The following PRKN variants were observed in gnomAD, a reference collection of about 807,000 sequenced individuals.
PRKN encodes the protein parkin RBR E3 ubiquitin protein ligase, also known as E3 ubiquitin-protein ligase parkin.
In PRKN, 56 loss-of-function variants were observed where a neutral mutation model predicts 59.5. That is an observed-to-expected ratio of 0.94 (90% CI 0.76 to 1.18). PRKN has a LOEUF of 1.18. Ranked by LOEUF, PRKN falls within the 50% of genes most tolerant of loss-of-function variation. The probability of loss-of-function intolerance (pLI) is 0.00; values close to 1 mark genes in which losing one functional copy is unlikely to be tolerated. For synonymous variants in PRKN, 250 were observed against 222.1 expected (o/e 1.13, Z -1.12); for missense variants, 657 against 596.4 (o/e 1.10, Z -1.06).
intron 3 of PRKN, among the ~76,000 whole-genome samples, chr6:162,208,233 C>T (rs1420879865): frequency 6.6e-6 from 1 of 152,250 alleles, no homozygotes. Flanking sequence ...ACTGCCTGTT[C>T]CATGCTTTTA....
intron 6 of PRKN, among the ~76,000 whole-genome samples, chr6:161,833,251 C>T (rs993955638): frequency 2.0e-5 from 3 of 152,192 alleles, no homozygotes; most frequent in Middle Eastern, 3.4e-3. Context: ...AATGGGGCAC[C>T]GCCAGATACA....
chr6:162,376,246 C>T (rs1033303125), intron 2 of PRKN, among the ~76,000 whole-genome samples: 2 of 151,996 alleles, frequency 1.3e-5, no homozygotes, highest in South Asian at 4.2e-4. Context: ...TTTTGTTACT[C>T]CTGATTACTT....
intron 6 of PRKN, among the ~76,000 whole-genome samples, chr6:161,932,249 TTTATGTTGGG>T (rs1779193724): frequency 6.6e-6 from 1 of 152,098 alleles, no homozygotes; most frequent in South Asian, 2.1e-4. Flanking sequence ...TACATATTGT[TTTATGTTGGG>T]TTATGTTTCC....
chr6:161,752,740 G>A (rs1263462074), intron 7 of PRKN, among the ~76,000 whole-genome samples: 16 of 152,162 alleles, frequency 1.1e-4, no homozygotes, highest in Non-Finnish European at 5.9e-5. Flanking sequence ...CAAATGGATT[G>A]TAGTATATCC....
At chr6:162,215,095 T>A (rs1777581194) in intron 3 of PRKN, among the ~76,000 whole-genome samples, 1 of 152,190 alleles carries the variant, frequency 6.6e-6, no homozygotes, top group Admixed American at 6.5e-5. Flanking sequence ...CTCCATTTAA[T>A]GTAAATCCCC....
rs939853185 is a variant in PRKN at position 161,578,872 on chromosome 6, T to G, written c.872-9456A>C. On this transcript the variant is annotated intron_variant, in intron 7 of 11. Coordinates refer to ENST00000366898, the MANE Select transcript of PRKN (RefSeq NM_004562.3). The surrounding 1 kb of genome is among the most constrained non-coding windows in gnomAD (Gnocchi z 4.2). ...TAAATATTTTGAATTGTGTGTATAT[T>G]CTTGGCGCTTTGCCTTCACCTTTGA... is the stretch of plus-strand genomic sequence containing the variant. 6.6e-6 allele frequency among the ~76,000 whole-genome samples: 1 copy of G among 152,252 alleles called. No individual in the cohort carries two copies. Among genetic ancestry groups the G allele is most frequent in the Non-Finnish European group, 1.5e-5 (1 of 68,042 alleles).
chr6:161,840,457 C>T lies in PRKN; in HGVS notation c.735-54549G>A, dbSNP rs190835357. Among the ~76,000 whole-genome samples the T allele has an allele frequency of 1.6e-3, 241 of 152,310 alleles. 1 individual carries two copies. The highest frequency in any genetic ancestry group is 5.2e-3 in the African/African-American group (216 of 41,568). Reference sequence around the variant, plus strand: ...CATCCATTCCGCTCTTTCTTTTTAACAAGTTCAGGGGTACATGTGCAGGAT... The same window carrying T: ...CATCCATTCCGCTCTTTCTTTTTAATAAGTTCAGGGGTACATGTGCAGGAT... On this transcript the variant is annotated intron_variant, in intron 6 of 11. Transcript: ENST00000366898.
rs955000752 is a variant in PRKN, at chr6:161,376,714, C to T, written c.1167+10080G>A. ...CGAAGGGCTCACCTCTAGCCTCCTACCTCTGGCTCCCCTCAGTCTTCTGTG... is the reference window on the plus strand; with the variant it reads ...CGAAGGGCTCACCTCTAGCCTCCTATCTCTGGCTCCCCTCAGTCTTCTGTG... On this transcript the variant is annotated intron_variant, in intron 10 of 11. Coordinates refer to ENST00000366898, the MANE Select transcript of PRKN (RefSeq NM_004562.3). The surrounding 1 kb of genome is among the most constrained non-coding windows in gnomAD (Gnocchi z 7.3). 7.2e-5 allele frequency among the ~76,000 whole-genome samples: 11 copies of T among 152,202 alleles called. No homozygotes were observed. The highest frequency in any genetic ancestry group is 2.7e-4 in the African/African-American group (11 of 41,464).
At chr6:162,081,255 A>C (rs1355019208) in intron 4 of PRKN, among the ~76,000 whole-genome samples, 3 of 152,030 alleles carry the variant, frequency 2.0e-5, no homozygotes. Context: ...GTTTCCAGAA[A>C]GTTTTCAGTT....
intron 4 of PRKN, among the ~76,000 whole-genome samples, chr6:162,107,310 C>T (rs888374201): frequency 6.6e-6 from 1 of 152,122 alleles, no homozygotes; most frequent in Non-Finnish European, 1.5e-5. Context: ...ACTAAAAATA[C>T]AAAAATTAGC....
intron 1 of PRKN, among the ~76,000 whole-genome samples, chr6:162,468,943 C>A (rs7454474): frequency 0.5 from 76,145 of 151,972 alleles, 19,635 homozygotes; most frequent in African/African-American, 0.63. Context: ...ATAGGTATCT[C>A]AAAGGCTGGA....
intron 4 of PRKN, among the ~76,000 whole-genome samples, chr6:162,143,472 C>T (rs180913964): frequency 9.2e-5 from 14 of 152,112 alleles, no homozygotes; most frequent in Admixed American, 3.9e-4. Flanking sequence ...TGATACATGG[C>T]GGCTTTAGAC....
chr6:161,657,176 C>T (rs1039864435), intron 7 of PRKN, among the ~76,000 whole-genome samples: 10 of 152,260 alleles, frequency 6.6e-5, no homozygotes, highest in South Asian at 2.1e-4. Context: ...CAAATCCAGA[C>T]ACCCGAGAAT....
At chr6:161,469,560 A>AGAGAGAGT (rs1554264010) in intron 9 of PRKN, among the ~76,000 whole-genome samples, 3 of 151,468 alleles carry the variant, frequency 2.0e-5, no homozygotes, top group Admixed American at 6.6e-5. Context: ...AGAGAGAGAG[A>AGAGAGAGT]GAGAGAGAGA....
chr6:161,436,475 G>A (rs1477585275), intron 9 of PRKN, among the ~76,000 whole-genome samples: 3 of 151,756 alleles, frequency 2.0e-5, no homozygotes, highest in African/African-American at 4.9e-5. Context: ...GGGGGTGGGC[G>A]GAGAGTGCAA....
chr6:161,587,438 T>C (rs1384478278), intron 7 of PRKN, among the ~76,000 whole-genome samples: 1 of 152,234 alleles, frequency 6.6e-6, no homozygotes, highest in Non-Finnish European at 1.5e-5. Context: ...ATTATATGTC[T>C]GTGTAACAGA....
chr6:162,717,521 G>C (rs1474829300), intron 1 of PRKN, among the ~76,000 whole-genome samples: 1 of 146,464 alleles, frequency 6.8e-6, no homozygotes. Context: ...AGCTGTGTTT[G>C]TGCCACTGCA....
intron 1 of PRKN, among the ~76,000 whole-genome samples, chr6:162,692,925 T>C (rs968049831): frequency 3.3e-5 from 5 of 152,178 alleles, no homozygotes; most frequent in Non-Finnish European, 7.3e-5. Context: ...CCTTATTATC[T>C]GACTCCTTGG....
At chr6:162,289,408 G>A (rs1554296114) in intron 2 of PRKN, among the ~76,000 whole-genome samples, 3 of 150,948 alleles carry the variant, frequency 2.0e-5, no homozygotes, top group Non-Finnish European at 1.5e-5. Context: ...CAAAATAGGT[G>A]TTTTTTTTTA....
Sources: allele counts gnomAD v4.1 joint callset (sites outside exome capture counted in the v4.1 genomes callset), GRCh38; gene constraint gnomAD v4.1.1; non-coding constraint Gnocchi (gnomAD v3.1); transcripts MANE v1.5; gene names NCBI Gene and HGNC (gene_info 2026-07-23, HGNC 2026-07-21).